ACAD9: variants seen among roughly 807,000 people sequenced by gnomAD.
The protein encoded by ACAD9 is acyl-CoA dehydrogenase family member 9, also known as complex I assembly factor ACAD9, mitochondrial.
ACAD9 carries 53 observed loss-of-function variants against 70.2 expected under a neutral mutation model. The observed-to-expected ratio is 0.75, with a 90% CI of 0.61 to 0.95. The LOEUF is 0.95. Among genes scored for constraint, ACAD9 ranks in the 40% least tolerant of loss-of-function variants. ACAD9 has a pLI of 0.00. For missense variants in ACAD9, 777 were observed against 802.8 expected, an observed-to-expected ratio of 0.97 and a Z score of 0.39; for synonymous variants, 313 against 312.1, an observed-to-expected ratio of 1.00 and a Z score of -0.03.
intron 1 of ACAD9, among the ~76,000 whole-genome samples, chr3:128,884,323 A>G (rs1935182360): frequency 6.6e-6 from 1 of 152,182 alleles, no homozygotes. Flanking sequence ...GCCTGAAATC[A>G]AGGACCAGAC....
At position 128,912,207 on chromosome 3, in the gene ACAD9, T is replaced by G. The variant is rs527765358; in HGVS notation, c.1766-300T>G. On this transcript the variant is annotated intron_variant, in intron 17 of 17. Coordinates refer to ENST00000308982, the MANE Select transcript of ACAD9 (RefSeq NM_014049.5). Reference sequence around the variant, plus strand: ...GTGCTGTGGAGGGTGCTGAAATGGTTTCTCCTCCAGTGGGCTGGAATCACA... The same window carrying G: ...GTGCTGTGGAGGGTGCTGAAATGGTGTCTCCTCCAGTGGGCTGGAATCACA... Among the ~76,000 whole-genome samples the G allele has an allele frequency of 1.1e-4, 16 of 152,294 alleles. No homozygotes were observed. The East Asian group carries it at 3.1e-3, about 29-fold the overall frequency.
chr3:128,906,853 C>T (rs769193714), intron 12 of ACAD9, among the ~76,000 whole-genome samples: 16 of 152,158 alleles, frequency 1.1e-4, no homozygotes, highest in Non-Finnish European at 2.1e-4. Flanking sequence ...AGTAGCCAGA[C>T]TGTGGAGGAC....
At chr3:128,906,702 C>T (rs1393402357) in intron 12 of ACAD9, among the ~76,000 whole-genome samples, 2 of 152,120 alleles carry the variant, frequency 1.3e-5, no homozygotes, top group Non-Finnish European at 2.9e-5. Flanking sequence ...GCGCCAGGCC[C>T]AGATGGGACT....
chr3:128,889,908 G>C (rs6790091), intron 2 of ACAD9, among the ~76,000 whole-genome samples: 59,757 of 151,854 alleles, frequency 0.39, 13,549 homozygotes, highest in African/African-American at 0.62. Context: ...TGCAACCCTT[G>C]AACTTCTGGG....
rs2107659436 is a variant in ACAD9, at chr3:128,906,130, T to C, written c.1159T>C (p.Ser387Pro). ...GTGTGACACCCCACAGGTGTTCAGCTCCGAGGCCGCCTGGCAGTGTGTGAG... is the reference window on the plus strand; with the variant it reads ...GTGTGACACCCCACAGGTGTTCAGCCCCGAGGCCGCCTGGCAGTGTGTGAG... ...IEAAMVKVFSSEAAWQCVSEA... is the reference protein window; with the variant it reads ...IEAAMVKVFSPEAAWQCVSEA... The change falls in exon 12 of 18, where the codon TCC becomes CCC. Residue 387 changes from serine (S) to proline (P), a missense_variant. Physicochemically the swap from Ser to Pro is moderately conservative, Grantham distance 74. Transcript: ENST00000308982. 1 of 1,614,152 alleles carries C rather than the reference T, an allele frequency of 6.2e-7. No individual in the cohort carries two copies. Among genetic ancestry groups the C allele is most frequent in the Non-Finnish European group, 8.5e-7 (1 of 1,180,030 alleles).
In ACAD9 at chr3:128,910,728, T is replaced by G. The variant is rs1191426252; in HGVS notation, c.1693-13T>G. The G allele has an allele frequency of 1.4e-5, 22 of 1,614,206 alleles. No individual in the cohort carries two copies. The highest frequency in any genetic ancestry group is 1.9e-5 in the Non-Finnish European group (22 of 1,180,016). Reference sequence around the variant, plus strand: ...GAATTTGGGCATATCTTTTCTGTCCTCGGTTCTGGCAGGTTCTCTTGGCCA... The same window carrying G: ...GAATTTGGGCATATCTTTTCTGTCCGCGGTTCTGGCAGGTTCTCTTGGCCA... On this transcript the variant is annotated splice_polypyrimidine_tract_variant and intron_variant, in intron 16 of 17. Coordinates refer to ENST00000308982, the MANE Select transcript of ACAD9 (RefSeq NM_014049.5).
At chr3:128,889,260 C>T (rs747600466) in intron 2 of ACAD9, among the ~76,000 whole-genome samples, 4 of 151,952 alleles carry the variant, frequency 2.6e-5, no homozygotes, top group East Asian at 1.9e-4. Context: ...GTGATCCTCC[C>T]GCCTCAGCCT....
chr3:128,912,588 C>T lies in ACAD9; in HGVS notation c.1847C>T (p.Pro616Leu), dbSNP rs1183124574. The change falls in exon 18 of 18, where the codon CCT (proline) becomes CTT (leucine). Residue 616 changes from proline (P) to leucine (L), a missense_variant. Pro to Leu is a moderately conservative substitution (Grantham distance 98). Transcript: ENST00000308982. ...LEKRAYICAH[P>L]LDRTC ...AAGCGAGCCTATATCTGTGCCCACC[C>T]TCTGGACAGGACATGCTGAGGCAGG... 1 of 1,614,048 alleles carries T rather than the reference C, an allele frequency of 6.2e-7. No individual in the cohort carries two copies. The highest frequency in any genetic ancestry group is 8.5e-7 in the Non-Finnish European group (1 of 1,179,994).
At chr3:128,901,733 G>T (rs1181107332) in intron 8 of ACAD9, among the ~76,000 whole-genome samples, 1 of 152,172 alleles carries the variant, frequency 6.6e-6, no homozygotes, top group African/African-American at 2.4e-5. Flanking sequence ...ATCAAGAGAT[G>T]ATTCATATGA....
intron 15 of ACAD9, 67 bp downstream of exon 15, chr3:128,909,488 C>CT: frequency 8.0e-6 from 12 of 1,500,544 alleles, no homozygotes; most frequent in Non-Finnish European, 1.1e-5. Flanking sequence ...CATGAGACTA[C>CT]TTTTTGTCAA....
At position 128,910,832 on chromosome 3, in the gene ACAD9, G is replaced by T; in HGVS notation, c.1765+19G>T. 6.2e-7 allele frequency: 1 copy of T among 1,613,922 alleles called. No individual in the cohort carries two copies. Among genetic ancestry groups the T allele is most frequent in the Non-Finnish European group, 8.5e-7 (1 of 1,179,804 alleles). On this transcript the variant is annotated intron_variant, in intron 17 of 17. Transcript: ENST00000308982. ...GACAAGTGTGAGTGGCATGTCTTGGGGGAGGGAAGGAAGGGCCCACTTCTA... is the reference window on the plus strand; with the variant it reads ...GACAAGTGTGAGTGGCATGTCTTGGTGGAGGGAAGGAAGGGCCCACTTCTA...
At chr3:128,890,226 A>G (rs901225937) in intron 2 of ACAD9, among the ~76,000 whole-genome samples, 10 of 152,034 alleles carry the variant, frequency 6.6e-5, no homozygotes, top group African/African-American at 2.2e-4. Context: ...CTGAGATTAT[A>G]GGTGCGTGCC....
Position 128,902,615 on chromosome 3 carries a change from C to G in ACAD9, c.945C>G (p.Leu315=), listed in dbSNP as rs762242766. 6.2e-7 allele frequency: 1 copy of G among 1,614,126 alleles called. No individual in the cohort carries two copies. Among genetic ancestry groups the G allele is most frequent in the Non-Finnish European group, 8.5e-7 (1 of 1,180,010 alleles). The change falls in exon 9 of 18, where the codon CTC becomes CTG. Residue 315 remains leucine (L), a synonymous_variant. Transcript: ENST00000308982. The surrounding 1 kb of genome is among the most constrained non-coding windows in gnomAD (Gnocchi z 4.0). The part of the protein sequence containing the change: ...FSMGSVVAGL[L]KRLIEMTAEY... ...TGGGCAGCGTCGTGGCTGGGCTGCT[C>G]AAGAGATTGATTGGTAGGTAAGTTA...
At chr3:128,898,643 G>C (rs1443685881) in intron 6 of ACAD9, 1 of 294,186 alleles carries the variant, frequency 3.4e-6, no homozygotes, top group Admixed American at 5.1e-5. Flanking sequence ...CAAGTGGTCT[G>C]CCCACCTCGG....
chr3:128,906,295 G>T (rs779431862), intron 12 of ACAD9, 46 bp downstream of exon 12: 2 of 1,611,054 alleles, frequency 1.2e-6, no homozygotes, highest in Non-Finnish European at 1.7e-6. Flanking sequence ...CCCCCACCCT[G>T]CCTGGTCCTA....
In ACAD9 at chr3:128,893,816, G is replaced by C. The variant is rs1680780; in HGVS notation, c.346+160G>C. Among the ~76,000 whole-genome samples, 60,517 of 152,038 alleles carry C rather than the reference G, an allele frequency of 0.4. 13,875 individuals carry two copies. The highest frequency in any genetic ancestry group is 0.62 in the African/African-American group (25,684 of 41,444). On this transcript the variant is annotated intron_variant, in intron 3 of 17. Transcript: ENST00000308982. ...GGACCTGTAGGGAGGAAGTGTTCTC[G>C]GGTCCTGTGCTTCTCATCCTAGCAC... is the stretch of plus-strand genomic sequence containing the variant.
At chr3:128,894,881 T>C (rs1389235908) in intron 3 of ACAD9, among the ~76,000 whole-genome samples, 2 of 147,218 alleles carry the variant, frequency 1.4e-5, no homozygotes, top group African/African-American at 5.0e-5. Context: ...GATTTTTTTT[T>C]TTTTTTTTTT....
At chr3:128,909,542 T>A in intron 15 of ACAD9, 121 bp downstream of exon 15, 1 of 1,081,302 alleles carries the variant, frequency 9.2e-7, no homozygotes, top group Non-Finnish European at 1.4e-6. Flanking sequence ...TTGATCACCC[T>A]GGAGGGATGG....
chr3:128,897,014 ATCCT>A (rs1323054751), intron 5 of ACAD9, among the ~76,000 whole-genome samples: 2 of 152,108 alleles, frequency 1.3e-5, no homozygotes, highest in Admixed American at 1.3e-4. Context: ...GGGAACAGTC[ATCCT>A]TCCTGGGGTG....
Sources: gnomAD v4.1 joint callset for allele counts (sites outside exome capture counted in the v4.1 genomes callset) on GRCh38, gnomAD v4.1.1 for gene constraint, Gnocchi (gnomAD v3.1) non-coding constraint, MANE v1.5 for transcripts, NCBI Gene and HGNC (gene_info 2026-07-23, HGNC 2026-07-21) for gene names.